The following ACER1 variants were observed in gnomAD, a reference collection of about 807,000 sequenced individuals.
ACER1 encodes alkaline ceramidase 1, also known as CTB-180A7.3.
Under a neutral mutation model 24.9 loss-of-function variants are expected in ACER1, and 28 were observed. The ratio of observed to expected loss-of-function variants is 1.13; its 90% CI spans 0.83 to 1.54. The LOEUF is 1.54. ACER1 is among the 40% of genes most tolerant of loss of function. ACER1 has a pLI of 0.00. For missense variants in ACER1, 352 were observed against 349.3 expected (o/e 1.01, Z -0.06); for synonymous variants, 132 against 131.4 (o/e 1.00, Z -0.03).
chr19:6,334,312 G>A (rs1417232084), upstream of ACER1, among the ~76,000 whole-genome samples: 1 of 151,904 alleles, frequency 6.6e-6, no homozygotes, highest in Admixed American at 6.6e-5. Context: ...CCAAAGTGCT[G>A]GGATTATAGG....
At chr19:6,339,694 GTC>G in the ACER1 span, among the ~76,000 whole-genome samples, 1 of 152,000 alleles carries the variant, frequency 6.6e-6, no homozygotes, top group Non-Finnish European at 1.5e-5. Context: ...TTGAGATGGA[GTC>G]TCTCTCTGTT....
chr19:6,333,130 C>T (rs1224091179), intron 1 of ACER1, among the ~76,000 whole-genome samples: 1 of 152,066 alleles, frequency 6.6e-6, no homozygotes, highest in Non-Finnish European at 1.5e-5. Context: ...CCCTCTGCCT[C>T]CCCCTACCAC....
the ACER1 span, among the ~76,000 whole-genome samples, chr19:6,339,665 T>C: frequency 6.6e-6 from 1 of 152,196 alleles, no homozygotes; most frequent in East Asian, 1.9e-4. Flanking sequence ...TTAGGGTTTT[T>C]GTTTTTGTTT....
At chr19:6,327,596 T>A (rs1045390788) in intron 1 of ACER1, among the ~76,000 whole-genome samples, 2 of 148,674 alleles carry the variant, frequency 1.3e-5, no homozygotes, top group Non-Finnish European at 3.0e-5. Context: ...AATAATAAAA[T>A]AAAAATAAAA....
chr19:6,315,856 GTGGTGACTCACACC>G (rs1156730035), intron 1 of ACER1, among the ~76,000 whole-genome samples: 1 of 152,202 alleles, frequency 6.6e-6, no homozygotes, highest in African/African-American at 2.4e-5. Context: ...GAGCCCAGGT[GTGGTGACTCACACC>G]TGTAATCTCA....
chr19:6,354,777 G>A, the ACER1 span, among the ~76,000 whole-genome samples: 6 of 150,782 alleles, frequency 4.0e-5, no homozygotes, highest in Admixed American at 1.3e-4. Flanking sequence ...TTAAAAACAG[G>A]AGAAGTGTCA....
At chr19:6,309,648 A>G in intron 4 of ACER1, 49 bp downstream of exon 4, 1 of 1,609,496 alleles carries the variant, frequency 6.2e-7, no homozygotes, top group Non-Finnish European at 8.5e-7. Flanking sequence ...CAGGGGTGCT[A>G]GGAGGGGGAT....
the ACER1 span, among the ~76,000 whole-genome samples, chr19:6,357,446 G>A: frequency 6.6e-6 from 1 of 151,498 alleles, no homozygotes; most frequent in South Asian, 2.1e-4. Flanking sequence ...GATAAGGGGG[G>A]TCAGCAGGGG....
At chr19:6,323,304 C>T (rs1214240282) in intron 1 of ACER1, among the ~76,000 whole-genome samples, 1 of 151,744 alleles carries the variant, frequency 6.6e-6, no homozygotes, top group African/African-American at 2.4e-5. Flanking sequence ...CCTGTAGTCC[C>T]AGCTACTTGG....
the ACER1 span, among the ~76,000 whole-genome samples, chr19:6,349,293 T>C: frequency 0.2 from 29,495 of 144,786 alleles, 4,045 homozygotes; most frequent in East Asian, 0.4. Flanking sequence ...CTGGGCAACA[T>C]AGGGAGCCCC....
the ACER1 span, among the ~76,000 whole-genome samples, chr19:6,348,139 G>A: frequency 6.6e-6 from 1 of 151,724 alleles, no homozygotes; most frequent in Non-Finnish European, 1.5e-5. Flanking sequence ...TTAAAGCCAT[G>A]CAGCTGGATG....
At chr19:6,359,317 T>TG in the ACER1 span, among the ~76,000 whole-genome samples, 1 of 140,562 alleles carries the variant, frequency 7.1e-6, no homozygotes, top group African/African-American at 3.0e-5. Context: ...GAATCTGCTG[T>TG]GATTTTTTTT....
the ACER1 span, among the ~76,000 whole-genome samples, chr19:6,350,768 C>T: frequency 6.6e-6 from 1 of 152,122 alleles, no homozygotes; most frequent in Admixed American, 6.5e-5. Context: ...CATTTGTTTG[C>T]TTTCTTTTAT....
the ACER1 span, among the ~76,000 whole-genome samples, chr19:6,347,109 A>AAAAAAAAAAAAAAATAT: frequency 3.5e-5 from 4 of 113,822 alleles, no homozygotes; most frequent in African/African-American, 1.0e-4. Flanking sequence ...AAAAAAAAAA[A>AAAAAAAAAAAAAAATAT]ATATATATAT....
chr19:6,306,548 TC>T lies in ACER1; in HGVS notation c.*165del. ...GCTGCTGCTCAGAGATGTCACAAAG[TC>T]CATCATCTGCCTCAAGGCAGGGCAG... On this transcript the variant is annotated 3_prime_UTR_variant, in exon 6 of 6. Coordinates refer to ENST00000301452, the MANE Select transcript of ACER1 (RefSeq NM_133492.3). 1.3e-6 allele frequency: 1 copy of T among 790,722 alleles called. No individual in the cohort carries two copies. The highest frequency in any genetic ancestry group is 1.9e-6 in the Non-Finnish European group (1 of 523,036). The allele number at this position is 790,722 out of a possible 1,614,324, so 49.0% of individuals were successfully genotyped here.
intron 3 of ACER1, among the ~76,000 whole-genome samples, chr19:6,311,538 T>C (rs1359778729): frequency 6.8e-6 from 1 of 147,742 alleles, no homozygotes; most frequent in Non-Finnish European, 1.5e-5. Flanking sequence ...CGAGACTCTG[T>C]CTCAAAAAGG....
intron 1 of ACER1, among the ~76,000 whole-genome samples, chr19:6,320,079 T>G (rs1044827763): frequency 5.6e-5 from 8 of 143,830 alleles, no homozygotes; most frequent in African/African-American, 2.1e-4. Flanking sequence ...CTCCAACCCC[T>G]GTGACAGAGA....
At chr19:6,352,444 ATGTGAGTGGAGAATGT>A in the ACER1 span, among the ~76,000 whole-genome samples, 1 of 152,210 alleles carries the variant, frequency 6.6e-6, no homozygotes, top group African/African-American at 2.4e-5. Flanking sequence ...GGCTCCAGAT[ATGTGAGTGGAGAATGT>A]TCCACTTGTG....
At chr19:6,324,001 T>A (rs768153232) in intron 1 of ACER1, among the ~76,000 whole-genome samples, 2 of 152,100 alleles carry the variant, frequency 1.3e-5, no homozygotes, top group African/African-American at 4.8e-5. Context: ...CTGCAGACTA[T>A]CTCCCCTCCA....
Sources: gnomAD v4.1 joint callset for allele counts (sites outside exome capture counted in the v4.1 genomes callset) on GRCh38, gnomAD v4.1.1 for gene constraint, MANE v1.5 for transcripts, NCBI Gene and HGNC (gene_info 2026-07-23, HGNC 2026-07-21) for gene names.